The following TSPAN18 variants were observed in gnomAD, a reference collection of about 807,000 sequenced individuals.
The protein encoded by TSPAN18 is tetraspanin-18.
In TSPAN18, 14 loss-of-function variants were observed where a neutral mutation model predicts 27.3. The ratio of observed to expected loss-of-function variants is 0.51; its 90% confidence interval spans 0.34 to 0.80. TSPAN18 has a LOEUF of 0.80. TSPAN18 is among the 30% of genes least tolerant of loss of function. TSPAN18 has a pLI of 0.01. For missense variants in TSPAN18, 268 were observed against 323.9 expected, an observed-to-expected ratio of 0.83 and a Z score of 1.32; for synonymous variants, 143 against 136.5, an observed-to-expected ratio of 1.05 and a Z score of -0.33.
At chr11:44,914,530 A>T (rs1271712088) in intron 5 of TSPAN18, among the ~76,000 whole-genome samples, 3 of 152,224 alleles carry the variant, frequency 2.0e-5, no homozygotes, top group Admixed American at 6.5e-5. Context: ...AACTAGAAGA[A>T]TTGGTGCTGA....
intron 2 of TSPAN18, among the ~76,000 whole-genome samples, chr11:44,825,059 C>A (rs1252498794): frequency 1.3e-5 from 2 of 152,166 alleles, no homozygotes; most frequent in Non-Finnish European, 2.9e-5. Flanking sequence ...GCTTTACCTT[C>A]CTTTTATAGG....
At chr11:44,857,579 T>TCAACGAGTGTGGGATCTGG (rs1364299032) in intron 2 of TSPAN18, among the ~76,000 whole-genome samples, 2 of 152,166 alleles carry the variant, frequency 1.3e-5, no homozygotes, top group Non-Finnish European at 2.9e-5. Flanking sequence ...AGGCCAGGCC[T>TCAACGAGTGTGGGATCTGG]CCACGAGAGG....
chr11:44,825,123 G>T (rs907449489), intron 2 of TSPAN18, among the ~76,000 whole-genome samples: 3 of 151,976 alleles, frequency 2.0e-5, no homozygotes, highest in Admixed American at 2.0e-4. Context: ...ACTCGGGGAG[G>T]AGTTCTGACC....
chr11:44,874,027 C>T (rs1439432023), intron 3 of TSPAN18, among the ~76,000 whole-genome samples: 2 of 152,178 alleles, frequency 1.3e-5, no homozygotes, highest in Non-Finnish European at 2.9e-5. Context: ...CTGGGAATGG[C>T]CCTACATCTG....
intron 2 of TSPAN18, among the ~76,000 whole-genome samples, chr11:44,791,705 G>A (rs1380343052): frequency 1.3e-5 from 2 of 152,180 alleles, no homozygotes; most frequent in Non-Finnish European, 2.9e-5. Context: ...GATGGGCTCC[G>A]GGAGCAATGT....
chr11:44,890,290 A>G (rs1330407068), intron 3 of TSPAN18, among the ~76,000 whole-genome samples: 1 of 152,192 alleles, frequency 6.6e-6, no homozygotes, highest in East Asian at 1.9e-4. Flanking sequence ...ACATATTATA[A>G]CTTCACTTTA....
At chr11:44,736,953 G>C (rs1045351251) in intron 1 of TSPAN18, among the ~76,000 whole-genome samples, 2 of 152,218 alleles carry the variant, frequency 1.3e-5, no homozygotes, top group African/African-American at 4.8e-5. Flanking sequence ...TTTGTCATCT[G>C]TTTTCCTCCA....
At chr11:44,889,515 GC>G (rs1858773347) in intron 3 of TSPAN18, among the ~76,000 whole-genome samples, 1 of 152,244 alleles carries the variant, frequency 6.6e-6, no homozygotes, top group Non-Finnish European at 1.5e-5. Context: ...AGGCTGGCTG[GC>G]CCCAGCAGGA....
At chr11:44,887,675 T>C (rs1337106243) in intron 3 of TSPAN18, among the ~76,000 whole-genome samples, 1 of 152,122 alleles carries the variant, frequency 6.6e-6, no homozygotes, top group Non-Finnish European at 1.5e-5. Flanking sequence ...GAATTCTGTG[T>C]CTCACCCTCT....
In TSPAN18 at chr11:44,770,830, C is replaced by T. The variant is rs181420740; in HGVS notation, c.-153+6318C>T. ...TTTTGAGAGCAAAGTTGATAGGACTCGCTGATAGGATGGGGATGAGAGAAA... is the reference window on the plus strand; with the variant it reads ...TTTTGAGAGCAAAGTTGATAGGACTTGCTGATAGGATGGGGATGAGAGAAA... On this transcript the variant is annotated intron_variant, in intron 2 of 9. Transcript: ENST00000520358. Among the ~76,000 whole-genome samples, 106 of 152,110 alleles carry T rather than the reference C, an allele frequency of 7.0e-4. 1 individual carries two copies. The highest frequency in any genetic ancestry group is 4.4e-3 in the Admixed American group (67 of 15,270).
At chr11:44,884,317 A>C (rs1858577393) in intron 3 of TSPAN18, among the ~76,000 whole-genome samples, 1 of 152,132 alleles carries the variant, frequency 6.6e-6, no homozygotes, top group South Asian at 2.1e-4. Flanking sequence ...GCCCAAACAG[A>C]TCTCAGCACA....
At chr11:44,877,992 C>A (rs997029632) in intron 3 of TSPAN18, among the ~76,000 whole-genome samples, 2 of 151,954 alleles carry the variant, frequency 1.3e-5, no homozygotes, top group African/African-American at 4.8e-5. Context: ...TGCACGTGCA[C>A]ACACACAGAC....
At chr11:44,908,769 G>GAAAGGAAAGAA (rs1554938043) in intron 4 of TSPAN18, among the ~76,000 whole-genome samples, 4,367 of 71,614 alleles carry the variant, frequency 0.061, 579 homozygotes, top group East Asian at 0.14. Context: ...AGAGAGAAAG[G>GAAAGGAAAGAA]AGAAAGAAAG....
intron 1 of TSPAN18, among the ~76,000 whole-genome samples, chr11:44,757,192 C>A (rs567110660): frequency 6.6e-6 from 1 of 152,174 alleles, no homozygotes; most frequent in South Asian, 2.1e-4. Context: ...AGTGGTTGTA[C>A]CATTTTACAT....
At chr11:44,821,149 G>A (rs1293629599) in intron 2 of TSPAN18, among the ~76,000 whole-genome samples, 1 of 152,186 alleles carries the variant, frequency 6.6e-6, no homozygotes, top group African/African-American at 2.4e-5. Context: ...GCCAGTGTCT[G>A]ATTAACAAGT....
chr11:44,860,608 A>G (rs537701997), intron 3 of TSPAN18, 139 bp downstream of exon 3: 1 of 152,364 alleles, frequency 6.6e-6, no homozygotes, highest in African/African-American at 2.4e-5. Flanking sequence ...ATCACACCAA[A>G]GGTCCGTGGG....
At chr11:44,880,226 G>A (rs1023426584) in intron 3 of TSPAN18, among the ~76,000 whole-genome samples, 6 of 152,322 alleles carry the variant, frequency 3.9e-5, no homozygotes, top group East Asian at 1.9e-4. Flanking sequence ...CTGTAGCCCC[G>A]CCAATGAACT....
intron 3 of TSPAN18, among the ~76,000 whole-genome samples, chr11:44,882,286 G>A (rs976651716): frequency 6.6e-6 from 1 of 152,112 alleles, no homozygotes; most frequent in Non-Finnish European, 1.5e-5. Context: ...GGGGCAGCTG[G>A]GGGGAAATGA....
intron 5 of TSPAN18, among the ~76,000 whole-genome samples, chr11:44,913,059 CTG>C (rs1015148773): frequency 9.2e-5 from 14 of 152,238 alleles, no homozygotes; most frequent in African/African-American, 3.4e-4. Flanking sequence ...CTGGACCTAA[CTG>C]TGTGGTGGTT....
Sources: allele counts gnomAD v4.1 joint callset (sites outside exome capture counted in the v4.1 genomes callset), GRCh38; gene constraint gnomAD v4.1.1; transcripts MANE v1.5; gene names NCBI Gene and HGNC (gene_info 2026-07-23, HGNC 2026-07-21).